ADGRV1: variants seen among roughly 807,000 people sequenced by gnomAD.
ADGRV1 encodes G-protein coupled receptor 98.
In ADGRV1, 359 loss-of-function variants were observed where a neutral mutation model predicts 596.2. That is an observed-to-expected ratio of 0.60 (90% confidence interval 0.55 to 0.66). The LOEUF (loss-of-function observed/expected upper bound fraction) is 0.66, where lower values mean the gene tolerates loss of function less well. Ranked by LOEUF, ADGRV1 falls within the 30% of genes least tolerant of loss-of-function variation. The probability of loss-of-function intolerance (pLI) is 0.00; values close to 1 mark genes in which losing one functional copy is unlikely to be tolerated. For synonymous variants in ADGRV1, 2,681 were observed against 2,679.2 expected (o/e 1.00, Z -0.02); for missense variants, 7,274 against 7,575.6 (o/e 0.96, Z 1.48).
At chr5:90,758,818 A>G (rs1756126893) in intron 57 of ADGRV1, among the ~76,000 whole-genome samples, 1 of 152,228 alleles carries the variant, frequency 6.6e-6, no homozygotes, top group African/African-American at 2.4e-5. Context: ...ACATAGACTC[A>G]GAAAATTGAA....
At chr5:90,851,064 C>G (rs1420279248) in intron 79 of ADGRV1, among the ~76,000 whole-genome samples, 1 of 142,642 alleles carries the variant, frequency 7.0e-6, no homozygotes, top group African/African-American at 2.6e-5. Flanking sequence ...GGGAGCTCAT[C>G]AGTTTTTTAA....
At chr5:90,662,249 A>C (rs1770444101) in intron 21 of ADGRV1, among the ~76,000 whole-genome samples, 2 of 138,906 alleles carry the variant, frequency 1.4e-5, no homozygotes, top group Admixed American at 1.6e-4. Flanking sequence ...GCTGGAGTGC[A>C]GTGATGCGAT....
chr5:90,854,238 C>A, intron 81 of ADGRV1, 37 bp downstream of exon 81: 1 of 1,483,418 alleles, frequency 6.7e-7, no homozygotes, highest in Non-Finnish European at 9.0e-7. Context: ...AGAATTTGGT[C>A]CTTCCCCATT....
At chr5:90,690,475 G>C (rs375909719) in intron 30 of ADGRV1, among the ~76,000 whole-genome samples, 1 of 152,122 alleles carries the variant, frequency 6.6e-6, no homozygotes, top group Non-Finnish European at 1.5e-5. Context: ...TCAGTCATGG[G>C]AACCAAATAG....
intron 85 of ADGRV1, among the ~76,000 whole-genome samples, chr5:90,988,113 GCTTCT>G (rs1347793162): frequency 2.6e-5 from 4 of 152,274 alleles, no homozygotes; most frequent in Middle Eastern, 6.8e-3. Flanking sequence ...ATTTCAATAA[GCTTCT>G]CTTCTTTACA....
chr5:90,730,796 G>T (rs1206180493), intron 50 of ADGRV1, among the ~76,000 whole-genome samples: 1 of 152,190 alleles, frequency 6.6e-6, no homozygotes, highest in Non-Finnish European at 1.5e-5. Context: ...GACACAGACA[G>T]TGGGTCATCA....
intron 46 of ADGRV1, 30 bp from the exon 47 acceptor site, chr5:90,725,056 A>G (rs757805324): frequency 1.3e-6 from 2 of 1,527,572 alleles, no homozygotes; most frequent in Non-Finnish European, 1.8e-6. Context: ...TGTATAATGA[A>G]TAACTGTATT....
intron 85 of ADGRV1, among the ~76,000 whole-genome samples, chr5:91,016,320 A>C (rs1267590466): frequency 6.6e-6 from 1 of 151,880 alleles, no homozygotes; most frequent in African/African-American, 2.4e-5. Context: ...CAGACCCTGG[A>C]GGGTCCTTGT....
rs1561595562 is a variant in ADGRV1 at position 90,721,591 on chromosome 5, T to TAAAA, written c.9748+533_9748+534insAAAA. 2.4e-4 allele frequency among the ~76,000 whole-genome samples: 20 copies of TAAAA among 82,656 alleles called. 2 individuals are homozygous for TAAAA. The highest frequency in any genetic ancestry group is 9.5e-4 in the African/African-American group (20 of 21,110). The allele number at this position is 82,656 out of a possible 152,430, so 54.2% of individuals were successfully genotyped here. ...TAAAATAAAATAAAATAAAATAAAA[T>TAAAA]ATGTATTTAGTGCCTATGCCAGGCA... On this transcript the variant is annotated intron_variant, in intron 45 of 89. Transcript: ENST00000405460.
Position 90,783,898 on chromosome 5 carries a change from G to T in ADGRV1, c.13494G>T (p.Gly4498=), listed in dbSNP as rs761151694. ...GAGCTACTGGAGGAGCGGTCCTTGGGCGCCACCTAGTGAGCAGAATCATAA... is the reference window on the plus strand; with the variant it reads ...GAGCTACTGGAGGAGCGGTCCTTGGTCGCCACCTAGTGAGCAGAATCATAA... ...LTGATGGAVL[G]RHLVSRIIIA... The change falls in exon 67 of 90, where the codon GGG becomes GGT. Residue 4498 remains glycine (G), a synonymous_variant. Transcript: ENST00000405460. The T allele has an allele frequency of 4.3e-6, 7 of 1,612,038 alleles. No individual in the cohort carries two copies. The South Asian group carries it at 5.5e-5, about 13-fold the overall frequency.
At chr5:90,584,904 T>G (rs952412125) in intron 1 of ADGRV1, among the ~76,000 whole-genome samples, 1 of 152,196 alleles carries the variant, frequency 6.6e-6, no homozygotes. Flanking sequence ...AAAATTTTGG[T>G]TCCATATTAT....
rs760039286 is a variant in ADGRV1 at position 90,672,617 on chromosome 5, T to A, written c.4824T>A (p.Val1608=). ...GAGGAGCTCTGGATTATGTGCATGT[T>A]TTTTACACCATTTCACAGATTGAAA... ...RTRGALDYVH[V]FYTISQIETD... Residue 1608 remains valine (V), a synonymous_variant, in exon 22 of 90, where the codon GTT becomes GTA. Coordinates refer to ENST00000405460, the MANE Select transcript of ADGRV1 (RefSeq NM_032119.4). 1 of 1,613,794 alleles carries A rather than the reference T, an allele frequency of 6.2e-7. No homozygotes were observed. Among genetic ancestry groups the A allele is most frequent in the Admixed American group, 1.7e-5 (1 of 60,014 alleles).
intron 1 of ADGRV1, 63 bp from the exon 2 acceptor site, chr5:90,614,772 T>A: frequency 8.5e-7 from 1 of 1,179,612 alleles, no homozygotes; most frequent in Middle Eastern, 1.9e-4. Flanking sequence ...CTATAGACAA[T>A]ACAATCTAAT....
chr5:90,612,500 C>G (rs544489380), intron 1 of ADGRV1, among the ~76,000 whole-genome samples: 1 of 152,142 alleles, frequency 6.6e-6, no homozygotes, highest in African/African-American at 2.4e-5. Flanking sequence ...CCAAAGCCTA[C>G]ATAGCCACTT....
At chr5:91,113,943 G>T (rs1792615517) in intron 87 of ADGRV1, among the ~76,000 whole-genome samples, 1 of 151,780 alleles carries the variant, frequency 6.6e-6, no homozygotes, top group African/African-American at 2.4e-5. Context: ...AAAATGCCAG[G>T]TGCAGTGGCT....
chr5:91,105,945 C>T (rs1197709124), intron 87 of ADGRV1, among the ~76,000 whole-genome samples: 2 of 149,706 alleles, frequency 1.3e-5, no homozygotes, highest in Non-Finnish European at 3.0e-5. Context: ...TATTTATAAA[C>T]CTTTTATTTA....
In ADGRV1 at chr5:90,982,650, C is replaced by G. The variant is rs542147190; in HGVS notation, c.17974-2694C>G. Among the ~76,000 whole-genome samples, 7 of 152,350 alleles carry G rather than the reference C, an allele frequency of 4.6e-5. No individual in the cohort carries two copies. The South Asian group carries it at 1.4e-3, about 32-fold the overall frequency. ...ACTAACACACCTCTGCTTCACTGCC[C>G]TCATGGCTACGCCCTTTCTATGTCC... On this transcript the variant is annotated intron_variant, in intron 84 of 89. Transcript: ENST00000405460.
intron 70 of ADGRV1, among the ~76,000 whole-genome samples, chr5:90,802,089 C>T (rs905730648): frequency 2.0e-5 from 3 of 152,172 alleles, no homozygotes; most frequent in Non-Finnish European, 2.9e-5. Context: ...CAGAGTGCCC[C>T]TTCCGTTTTC....
chr5:90,683,803 C>T lies in ADGRV1; in HGVS notation c.5882C>T (p.Ala1961Val), dbSNP rs1745253727. ...AGTGTTTCCAGTGGTTCTTTGGGAGCTCATATTAATGCCACGTTAACAGTT... is the reference window on the plus strand; with the variant it reads ...AGTGTTTCCAGTGGTTCTTTGGGAGTTCATATTAATGCCACGTTAACAGTT... ...VLSVSSGSLG[A>V]HINATLTVLA... The change falls in exon 28 of 90, where the codon GCT becomes GTT. Residue 1961 changes from alanine to valine, a missense_variant. Around this residue, in one of 5 missense-constraint regions of ADGRV1, gnomAD observed 3,643 missense variants for 3,809.2 expected, o/e 0.96. Coordinates refer to ENST00000405460, the MANE Select transcript of ADGRV1 (RefSeq NM_032119.4). The T allele has an allele frequency of 1.2e-6, 2 of 1,613,762 alleles. No homozygotes were observed. Among genetic ancestry groups the T allele is most frequent in the Non-Finnish European group, 1.7e-6 (2 of 1,179,852 alleles).
Sources: gnomAD v4.1 joint callset for allele counts (sites outside exome capture counted in the v4.1 genomes callset) on GRCh38, gnomAD v4.1.1 for gene constraint, gnomAD v4.1.1 regional missense constraint, MANE v1.5 for transcripts, NCBI Gene and HGNC (gene_info 2026-07-23, HGNC 2026-07-21) for gene names.